Variants in POSTN observed in about 807,000 individuals in gnomAD.
POSTN encodes periostin.
Under a neutral mutation model 104.5 loss-of-function variants are expected in POSTN, and 71 were observed. The ratio of observed to expected loss-of-function variants is 0.68; its 90% CI spans 0.56 to 0.83. POSTN has a LOEUF of 0.83. POSTN is among the 40% of genes least tolerant of loss of function. The pLI is 0.00. For missense variants in POSTN, 949 were observed against 1,006.8 expected, an observed-to-expected ratio of 0.94 and a Z score of 0.78; for synonymous variants, 355 against 340.7, an observed-to-expected ratio of 1.04 and a Z score of -0.46.
Position 37,582,513 on chromosome 13 carries a change from ATCTGTAAATAAAT to A in POSTN, c.1244-12_1244del, listed in dbSNP as rs780265758. The A allele has an allele frequency of 6.3e-7, 1 of 1,591,422 alleles. No homozygotes were observed. Among genetic ancestry groups the A allele is most frequent in the Non-Finnish European group, 8.5e-7 (1 of 1,172,444 alleles). On this transcript the variant is annotated splice_acceptor_variant and splice_polypyrimidine_tract_variant and coding_sequence_variant and intron_variant, in exon 10 of 23. Coordinates refer to ENST00000379747, the MANE Select transcript of POSTN (RefSeq NM_006475.3). LOFTEE classifies it high-confidence loss of function. The stretch of plus-strand genomic sequence containing the variant: ...GGCGCTGATCCATGCTGAGAGTATC[ATCTGTAAATAAAT>A]TCATTAAGAAAGAGCATTATTTTAT...
chr13:37,576,342 G>A (rs2138231654), intron 16 of POSTN, among the ~76,000 whole-genome samples: 1 of 152,196 alleles, frequency 6.6e-6, no homozygotes, highest in Non-Finnish European at 1.5e-5. Context: ...CGTCTAAGGA[G>A]GAGTAAAAGA....
rs116002316 is a variant in POSTN, at chr13:37,579,457, G to A, written c.1661-98C>T. On this transcript the variant is annotated intron_variant, in intron 12 of 22. Transcript: ENST00000379747. ...ATTAGTCTTTATCTTTTTCCATATTGTACTTTCTCATAATATCATTATTCT... is the reference window on the plus strand; with the variant it reads ...ATTAGTCTTTATCTTTTTCCATATTATACTTTCTCATAATATCATTATTCT... 1,806 of 1,014,668 alleles carry A rather than the reference G, an allele frequency of 1.8e-3. 23 individuals carry two copies. The African/African-American group carries it at 0.027, about 15-fold the overall frequency. The allele number at this position is 1,014,668 out of a possible 1,614,324, so 62.9% of individuals were successfully genotyped here.
chr13:37,586,813 A>G lies in POSTN; in HGVS notation c.722T>C (p.Ile241Thr), dbSNP rs759777023. ...TQIGTSIQDF[I>T]EAEDDLSSFR... ...AGATGAAAGGTCATCTTCTGCTTCA[A>G]TGAAGTCTTGAATTGAGGTACCAAT... Residue 241 changes from isoleucine to threonine, a missense_variant, in exon 6 of 23, where the codon ATT becomes ACT. Physicochemically the swap from Ile to Thr is moderately conservative, Grantham distance 89 (BLOSUM62 -1). Coordinates refer to ENST00000379747, the MANE Select transcript of POSTN (RefSeq NM_006475.3). 45 of 1,613,276 alleles carry G rather than the reference A, an allele frequency of 2.8e-5. No individual in the cohort carries two copies. Among genetic ancestry groups the G allele is most frequent in the Non-Finnish European group, 3.4e-5 (40 of 1,179,496 alleles).
At chr13:37,582,617 T>C (rs1950627456) in intron 9 of POSTN, 103 bp from the exon 10 acceptor site, 1 of 1,120,854 alleles carries the variant, frequency 8.9e-7, no homozygotes, top group African/African-American at 1.6e-5. Flanking sequence ...CTGACATTAT[T>C]GATATCATGG....
chr13:37,587,438 C>T (rs1428216555), intron 5 of POSTN, among the ~76,000 whole-genome samples: 1 of 152,102 alleles, frequency 6.6e-6, no homozygotes, highest in Non-Finnish European at 1.5e-5. Flanking sequence ...TGGCAGTTTC[C>T]CACAAAATCT....
At chr13:37,591,724 A>G (rs572174720) in intron 3 of POSTN, among the ~76,000 whole-genome samples, 11 of 152,290 alleles carry the variant, frequency 7.2e-5, no homozygotes, top group Non-Finnish European at 1.5e-4. Flanking sequence ...AGGAAACCAA[A>G]TTTCAATATA....
At chr13:37,579,714 C>A in intron 12 of POSTN, 147 bp downstream of exon 12, 1 of 896,446 alleles carries the variant, frequency 1.1e-6, no homozygotes. Context: ...CCACACATCC[C>A]AAGTGGACGA....
intron 16 of POSTN, among the ~76,000 whole-genome samples, chr13:37,575,382 G>C (rs1950375119): frequency 6.6e-6 from 1 of 151,294 alleles, no homozygotes; most frequent in Non-Finnish European, 1.5e-5. Context: ...TTGGGTGATG[G>C]GTTCACTAGA....
intron 10 of POSTN, among the ~76,000 whole-genome samples, chr13:37,582,038 A>T (rs1380292737): frequency 6.6e-6 from 1 of 152,240 alleles, no homozygotes; most frequent in Non-Finnish European, 1.5e-5. Flanking sequence ...CAGAGAACAG[A>T]ATTACCTTGA....
intron 22 of POSTN, among the ~76,000 whole-genome samples, chr13:37,564,171 C>T (rs1950010307): frequency 1.2e-5 from 1 of 86,190 alleles, no homozygotes; most frequent in African/African-American, 3.7e-5. Context: ...CTTGTATATA[C>T]AAAACATTAC....
chr13:37,587,991 G>A lies in POSTN; in HGVS notation c.442-5C>T. ...CTCCAAACCTCTACGGATATCCTAG[G>A]AAAAATTGCAATGATAGAAATTCAA... On this transcript the variant is annotated splice_polypyrimidine_tract_variant and splice_region_variant and intron_variant, in intron 4 of 22. Transcript: ENST00000379747. 2 of 1,580,636 alleles carry A rather than the reference G, an allele frequency of 1.3e-6. No individual in the cohort carries two copies. Among genetic ancestry groups the A allele is most frequent in the South Asian group, 2.3e-5 (2 of 87,222 alleles).
rs188585101 is a variant in POSTN at position 37,564,362 on chromosome 13, A to G, written c.2473+157T>C. Among the ~76,000 whole-genome samples, 553 of 151,240 alleles carry G rather than the reference A, an allele frequency of 3.7e-3. 3 individuals are homozygous for G. Among genetic ancestry groups the G allele is most frequent in the African/African-American group, 0.013 (533 of 41,416 alleles). On this transcript the variant is annotated intron_variant, in intron 22 of 22. Transcript: ENST00000379747. The stretch of plus-strand genomic sequence containing the variant: ...TAGAACATGAGAAATTTATTTTCTG[A>G]TTGTTATCAAAATTGTTTTCATCAA...
At chr13:37,589,141 T>C (rs1268391652) in intron 4 of POSTN, among the ~76,000 whole-genome samples, 1 of 152,122 alleles carries the variant, frequency 6.6e-6, no homozygotes, top group Non-Finnish European at 1.5e-5. Context: ...TGTTTAAAGA[T>C]GCAGATGGTA....
At chr13:37,577,194 C>A (rs1416276382) in intron 16 of POSTN, among the ~76,000 whole-genome samples, 1 of 152,164 alleles carries the variant, frequency 6.6e-6, no homozygotes, top group Admixed American at 6.5e-5. Flanking sequence ...TTTTGATAAT[C>A]TGGTTGTGTC....
chr13:37,580,829 GCTT>G lies in POSTN; in HGVS notation c.1393-135_1393-133del. 5.1e-6 allele frequency: 5 copies of G among 986,884 alleles called. No individual in the cohort carries two copies. The South Asian group carries it at 8.1e-5, about 16-fold the overall frequency. 61.1% of individuals were successfully genotyped at this position (986,884 alleles called of 1,614,324 possible). On this transcript the variant is annotated intron_variant, in intron 10 of 22. Coordinates refer to ENST00000379747, the MANE Select transcript of POSTN (RefSeq NM_006475.3). ...CCTGGTGTCTGAGGCCACGGGAACA[GCTT>G]CTTTCCTCTGTTTTCAATGGCTCAC...
At position 37,590,464 on chromosome 13, in the gene POSTN, A is replaced by G; in HGVS notation, c.349T>C (p.Ser117Pro). The G allele has an allele frequency of 6.2e-7, 1 of 1,613,596 alleles. No homozygotes were observed. Among genetic ancestry groups the G allele is most frequent in the Non-Finnish European group, 8.5e-7 (1 of 1,179,646 alleles). The change falls in exon 4 of 23, where the codon TCT becomes CCT. Residue 117 changes from serine to proline, a missense_variant. Coordinates refer to ENST00000379747, the MANE Select transcript of POSTN (RefSeq NM_006475.3). Reference sequence around the variant, plus strand: ...TCCTCCCTCAGTTTTGAGGCGTCAGAATAGCGCTGCGTTGTGGTGGCTCCC... The same window carrying G: ...TCCTCCCTCAGTTTTGAGGCGTCAGGATAGCGCTGCGTTGTGGTGGCTCCC... ...IVGATTTQRY[S>P]DASKLREEIE...
intron 20 of POSTN, 67 bp downstream of exon 20, chr13:37,569,677 G>A: frequency 8.5e-7 from 1 of 1,172,486 alleles, no homozygotes; most frequent in Non-Finnish European, 1.3e-6. Flanking sequence ...CATGTAGAAT[G>A]TTATTTTAGA....
intron 4 of POSTN, among the ~76,000 whole-genome samples, chr13:37,589,333 C>G (rs1950855382): frequency 6.6e-6 from 1 of 151,988 alleles, no homozygotes; most frequent in Admixed American, 6.6e-5. Context: ...AAGTTCCATT[C>G]TTTTTATTTT....
chr13:37,578,872 T>G lies in POSTN; in HGVS notation c.1934A>C (p.Asn645Thr), dbSNP rs764306935. Reference sequence around the variant, plus strand: ...AATTTGGATGTATTTGATTAATTTATTAAGTATTTCCAGCAGTTGATCATT... The same window carrying G: ...AATTTGGATGTATTTGATTAATTTAGTAAGTATTTCCAGCAGTTGATCATT... ...VGNDQLLEILNKLIKYIQIKF... is the reference protein window; with the variant it reads ...VGNDQLLEILTKLIKYIQIKF... Residue 645 changes from asparagine (N) to threonine (T), a missense_variant, in exon 15 of 23, where the codon AAT becomes ACT. Physicochemically the swap from Asn to Thr is moderately conservative, Grantham distance 65. Transcript: ENST00000379747. 1 of 1,589,882 alleles carries G rather than the reference T, an allele frequency of 6.3e-7. No homozygotes were observed. The highest frequency in any genetic ancestry group is 2.2e-5 in the East Asian group (1 of 44,596).
Sources: allele counts gnomAD v4.1 joint callset (sites outside exome capture counted in the v4.1 genomes callset), GRCh38; gene constraint gnomAD v4.1.1; transcripts MANE v1.5; gene names NCBI Gene and HGNC (gene_info 2026-07-23, HGNC 2026-07-21).